The following GTF2F2 variants were observed in gnomAD, a reference collection of about 807,000 sequenced individuals.
GTF2F2 encodes general transcription factor IIF subunit 2, also known as ATP-dependent helicase GTF2F2.
Under a neutral mutation model 42.2 loss-of-function variants are expected in GTF2F2, and 23 were observed. That is an observed-to-expected ratio of 0.55 (90% confidence interval 0.39 to 0.77). The LOEUF (loss-of-function observed/expected upper bound fraction) is 0.77. GTF2F2 is among the 30% of genes least tolerant of loss of function. The pLI, the probability that GTF2F2 is intolerant of heterozygous loss-of-function variation, is 0.00. For synonymous variants in GTF2F2, 105 were observed against 100.8 expected (o/e 1.04, Z -0.25); for missense variants, 261 against 287.2 (o/e 0.91, Z 0.66).
At chr13:45,140,445 A>G (rs1429525037) in intron 2 of GTF2F2, among the ~76,000 whole-genome samples, 1 of 152,220 alleles carries the variant, frequency 6.6e-6, no homozygotes, top group African/African-American at 2.4e-5. Flanking sequence ...TCAATCATTT[A>G]CTATGAGTGA....
chr13:45,211,398 C>T (rs1373577954), intron 5 of GTF2F2, among the ~76,000 whole-genome samples: 12 of 145,356 alleles, frequency 8.3e-5, no homozygotes, highest in African/African-American at 3.0e-4. Context: ...AAACTGTGAA[C>T]AACATGGGTT....
chr13:45,143,254 A>G (rs1870021885), intron 2 of GTF2F2, among the ~76,000 whole-genome samples: 1 of 152,192 alleles, frequency 6.6e-6, no homozygotes, highest in Non-Finnish European at 1.5e-5. Context: ...TATAGGTTAT[A>G]GGTTATAGGT....
chr13:45,245,700 T>TAC (rs1555271473), intron 5 of GTF2F2, among the ~76,000 whole-genome samples: 88 of 65,494 alleles, frequency 1.3e-3, no homozygotes, highest in African/African-American at 7.7e-3. Flanking sequence ...TATATATATA[T>TAC]ACATATACAT....
intron 7 of GTF2F2, among the ~76,000 whole-genome samples, chr13:45,279,589 C>T (rs1220948206): frequency 6.6e-6 from 1 of 152,206 alleles, no homozygotes; most frequent in Non-Finnish European, 1.5e-5. Context: ...CACTGAGTCT[C>T]TGTGATGTGC....
At chr13:45,127,985 G>A (rs1265877071) in intron 1 of GTF2F2, among the ~76,000 whole-genome samples, 4 of 109,672 alleles carry the variant, frequency 3.6e-5, no homozygotes, top group Non-Finnish European at 5.3e-5. Context: ...TTTTTGAGAC[G>A]GGTCTTGCTC....
At chr13:45,279,212 G>T (rs1379102513) in intron 7 of GTF2F2, among the ~76,000 whole-genome samples, 1 of 152,070 alleles carries the variant, frequency 6.6e-6, no homozygotes, top group Non-Finnish European at 1.5e-5. Flanking sequence ...ATTCCACCTG[G>T]CACATTGTAG....
At chr13:45,217,818 G>C (rs1004358654) in intron 5 of GTF2F2, among the ~76,000 whole-genome samples, 2 of 152,150 alleles carry the variant, frequency 1.3e-5, no homozygotes, top group Admixed American at 1.3e-4. Context: ...TGGAAAGTTT[G>C]TCTTTATTAT....
rs1326356523 is a variant in GTF2F2, at chr13:45,194,842, G to A, written c.305-12582G>A. On this transcript the variant is annotated intron_variant, in intron 4 of 7. Coordinates refer to ENST00000340473, the MANE Select transcript of GTF2F2 (RefSeq NM_004128.3). The stretch of plus-strand genomic sequence containing the variant: ...AGGATTTTCATGTCTATCCTTTGAA[G>A]TAATAAGAGTTACTCAGAATAAATT... The A allele has an allele frequency of 9.4e-6, 4 of 425,702 alleles. No homozygotes were observed. The Admixed American group carries it at 1.6e-4, about 17-fold the overall frequency. The allele number at this position is 425,702 out of a possible 1,614,324, so 26.4% of individuals were successfully genotyped here.
At chr13:45,151,911 CTTTTTT>C (rs773005628) in intron 4 of GTF2F2, 80 bp downstream of exon 4, 350 of 141,926 alleles carry the variant, frequency 2.5e-3, no homozygotes, top group Middle Eastern at 9.6e-3. Flanking sequence ...CTCCTATTTG[CTTTTTT>C]TTTTTTTTTT....
intron 4 of GTF2F2, among the ~76,000 whole-genome samples, chr13:45,205,502 A>C (rs545733630): frequency 7.8e-4 from 118 of 152,106 alleles, no homozygotes; most frequent in Non-Finnish European, 1.4e-3. Flanking sequence ...ATTTGCAGGG[A>C]TAGTAGTCTA....
intron 5 of GTF2F2, among the ~76,000 whole-genome samples, chr13:45,210,676 T>C (rs1197560354): frequency 1.3e-5 from 2 of 152,204 alleles, no homozygotes; most frequent in Admixed American, 1.3e-4. Context: ...AATAGTTCAT[T>C]CCACATAGTA....
At chr13:45,261,545 TTCTA>T (rs1876344806) in intron 6 of GTF2F2, among the ~76,000 whole-genome samples, 1 of 152,186 alleles carries the variant, frequency 6.6e-6, no homozygotes, top group South Asian at 2.1e-4. Context: ...TGACATTTAT[TTCTA>T]TATAGTCAGT....
At chr13:45,211,196 C>T (rs1873623642) in intron 5 of GTF2F2, among the ~76,000 whole-genome samples, 1 of 152,032 alleles carries the variant, frequency 6.6e-6, no homozygotes, top group African/African-American at 2.4e-5. Context: ...TCCCCGTGTC[C>T]ATTATAATTT....
Position 45,230,460 on chromosome 13 carries a change from A to T in GTF2F2, c.387-22411A>T, listed in dbSNP as rs552946554. Among the ~76,000 whole-genome samples the T allele has an allele frequency of 2.1e-3, 321 of 152,326 alleles. 1 individual carries two copies. The highest frequency in any genetic ancestry group is 7.6e-3 in the African/African-American group (316 of 41,576). The stretch of plus-strand genomic sequence containing the variant: ...TTTAGTAGGAGAAATATGGGAGGAT[A>T]CATTGAGGTACTTGGTAAGCATGGC... On this transcript the variant is annotated intron_variant, in intron 5 of 7. Transcript: ENST00000340473.
At chr13:45,151,613 T>G in intron 3 of GTF2F2, 74 bp from the exon 4 acceptor site, 1 of 942,154 alleles carries the variant, frequency 1.1e-6, no homozygotes, top group East Asian at 2.9e-5. Context: ...ACAATTTGAT[T>G]TATAACAAAA....
chr13:45,234,034 A>G (rs1259969423), intron 5 of GTF2F2, among the ~76,000 whole-genome samples: 4 of 152,238 alleles, frequency 2.6e-5, no homozygotes. Flanking sequence ...TACCAAAGCA[A>G]CATTTGCAAA....
intron 5 of GTF2F2, among the ~76,000 whole-genome samples, chr13:45,231,084 CTATT>C (rs1187637075): frequency 6.6e-6 from 1 of 151,260 alleles, no homozygotes; most frequent in South Asian, 2.1e-4. Flanking sequence ...TCTTATTCTT[CTATT>C]TATTTATTTT....
chr13:45,194,692 C>G, intron 4 of GTF2F2: 1 of 854,896 alleles, frequency 1.2e-6, no homozygotes. Flanking sequence ...CTGGCAGCAT[C>G]GCCTGCGCTG....
At chr13:45,188,908 CTT>C (rs879675045) in intron 4 of GTF2F2, among the ~76,000 whole-genome samples, 1 of 144,830 alleles carries the variant, frequency 6.9e-6, no homozygotes, top group African/African-American at 2.5e-5. Flanking sequence ...GGATGATTCA[CTT>C]TTTTTTTTTT....
Sources: allele counts gnomAD v4.1 joint callset (sites outside exome capture counted in the v4.1 genomes callset), GRCh38; gene constraint gnomAD v4.1.1; transcripts MANE v1.5; gene names NCBI Gene and HGNC (gene_info 2026-07-23, HGNC 2026-07-21).